Variants in SYCP2 observed in about 807,000 individuals in gnomAD.
The protein encoded by SYCP2 is synaptonemal complex protein 2, also known as synaptonemal complex lateral element protein.
A neutral mutation model predicts 211.3 loss-of-function variants in SYCP2; 55 were observed. That is an observed-to-expected ratio of 0.26 (90% CI 0.21 to 0.33). The LOEUF (loss-of-function observed/expected upper bound fraction) is 0.33. SYCP2 is among the 10% of genes least tolerant of loss of function. The pLI, the probability that SYCP2 is intolerant of heterozygous loss-of-function variation, is 1.00. For missense variants in SYCP2, 1,731 were observed against 1,752.0 expected (o/e 0.99, Z 0.21); for synonymous variants, 570 against 555.2 (o/e 1.03, Z -0.37).
chr20:59,876,505 A>G (rs2059564040), intron 33 of SYCP2, among the ~76,000 whole-genome samples: 1 of 147,672 alleles, frequency 6.8e-6, no homozygotes, highest in African/African-American at 2.5e-5. Context: ...ATGGAAGTTT[A>G]TGATGTCAAA....
intron 36 of SYCP2, among the ~76,000 whole-genome samples, chr20:59,869,471 C>G (rs1208100581): frequency 6.6e-6 from 1 of 151,646 alleles, no homozygotes; most frequent in Non-Finnish European, 1.5e-5. Flanking sequence ...GATGGATGGG[C>G]TTTTATGCTG....
intron 2 of SYCP2, among the ~76,000 whole-genome samples, chr20:59,924,257 C>T (rs1371160208): frequency 6.6e-6 from 1 of 151,980 alleles, no homozygotes; most frequent in East Asian, 1.9e-4. Context: ...GGCCTCTTTG[C>T]CTTATCTTAG....
At chr20:59,914,943 A>G (rs2060408083) in intron 10 of SYCP2, among the ~76,000 whole-genome samples, 1 of 152,030 alleles carries the variant, frequency 6.6e-6, no homozygotes, top group African/African-American at 2.4e-5. Flanking sequence ...TATTATTCAT[A>G]AGTCTACCAT....
intron 32 of SYCP2, 22 bp from the exon 33 acceptor site, chr20:59,877,577 A>T: frequency 6.4e-7 from 1 of 1,563,996 alleles, no homozygotes; most frequent in Non-Finnish European, 8.6e-7. Flanking sequence ...AAATTCCTGA[A>T]TATTAGATCA....
In SYCP2 at chr20:59,926,254, A is replaced by G. The variant is rs545364392; in HGVS notation, c.-46-3795T>C. 7.6e-4 allele frequency among the ~76,000 whole-genome samples: 116 copies of G among 152,200 alleles called. 1 individual carries two copies. In the Middle Eastern group the frequency reaches 0.027, roughly 36 times the overall value. On this transcript the variant is annotated intron_variant, in intron 2 of 44. Coordinates refer to ENST00000357552, the MANE Select transcript of SYCP2 (RefSeq NM_014258.4). ...ATTAATTTCCTAGGGTTGCCTTAAC[A>G]AAGTGCCACAAACTGGATGGCTTAG...
At chr20:59,891,968 T>C in intron 24 of SYCP2, 22 bp downstream of exon 24, 1 of 1,552,566 alleles carries the variant, frequency 6.4e-7, no homozygotes, top group Non-Finnish European at 8.7e-7. Flanking sequence ...TATGCAGAAA[T>C]CAAAACACAT....
chr20:59,881,999 A>G lies in SYCP2; in HGVS notation c.2604T>C (p.Asn868=). ...FVNVTSECPV[N]DVYNFNLNGA... ...CATTCAAATTAAAATTGTAAACATCATTCCTGTGAAAATGAAGAGCAATAT... is the reference window on the plus strand; with the variant it reads ...CATTCAAATTAAAATTGTAAACATCGTTCCTGTGAAAATGAAGAGCAATAT... Residue 868 remains asparagine (N), a synonymous_variant, in exon 28 of 45, where the codon AAT becomes AAC. Transcript: ENST00000357552. The G allele has an allele frequency of 6.2e-7, 1 of 1,612,924 alleles. No individual in the cohort carries two copies. The highest frequency in any genetic ancestry group is 1.1e-5 in the South Asian group (1 of 90,976).
intron 35 of SYCP2, 123 bp from the exon 36 acceptor site, chr20:59,870,106 A>C (rs1170192131): frequency 1.7e-6 from 1 of 591,588 alleles, no homozygotes; most frequent in African/African-American, 1.9e-5. Context: ...AATTCACTGC[A>C]AAAATTCAAT....
intron 39 of SYCP2, among the ~76,000 whole-genome samples, chr20:59,867,040 CAG>C (rs1197506815): frequency 5.5e-3 from 369 of 67,354 alleles, no homozygotes; most frequent in Middle Eastern, 0.015. Context: ...AAAAAAGAAA[CAG>C]AAAAAACAAG....
chr20:59,889,817 A>G (rs1432952401), intron 24 of SYCP2, among the ~76,000 whole-genome samples: 1 of 152,064 alleles, frequency 6.6e-6, no homozygotes, highest in Non-Finnish European at 1.5e-5. Flanking sequence ...TCCAATAAGT[A>G]GAAAGACAGT....
chr20:59,904,981 C>G (rs1327377496), intron 15 of SYCP2, among the ~76,000 whole-genome samples: 1 of 152,108 alleles, frequency 6.6e-6, no homozygotes, highest in African/African-American at 2.4e-5. Context: ...AAAAAATAAT[C>G]CCCTTCACCC....
intron 18 of SYCP2, among the ~76,000 whole-genome samples, chr20:59,898,372 T>C (rs2060051199): frequency 1.3e-5 from 2 of 152,216 alleles, no homozygotes; most frequent in African/African-American, 2.4e-5. Flanking sequence ...ATATACATCA[T>C]GGAATACTAT....
intron 39 of SYCP2, 37 bp downstream of exon 39, chr20:59,867,671 ATAT>A (rs751419478): frequency 5.9e-6 from 9 of 1,537,954 alleles, no homozygotes; most frequent in Non-Finnish European, 8.0e-6. Context: ...GCATATTATT[ATAT>A]TATTGGGTAT....
chr20:59,900,962 T>A, intron 16 of SYCP2, 144 bp from the exon 17 acceptor site: 1 of 645,914 alleles, frequency 1.5e-6, no homozygotes, highest in South Asian at 1.9e-5. Flanking sequence ...TTTGCATATA[T>A]GAATACCTTC....
intron 31 of SYCP2, 41 bp downstream of exon 31, chr20:59,880,262 C>T: frequency 6.7e-7 from 1 of 1,493,488 alleles, no homozygotes; most frequent in Non-Finnish European, 9.1e-7. Flanking sequence ...AAATAAACTG[C>T]AAAATCATTT....
chr20:59,917,834 T>C (rs560092192), intron 7 of SYCP2, among the ~76,000 whole-genome samples: 24 of 152,320 alleles, frequency 1.6e-4, no homozygotes, highest in Admixed American at 2.0e-4. Context: ...CAATTTACTA[T>C]TGAAAATTTG....
chr20:59,901,156 A>G (rs1000963632), intron 16 of SYCP2, among the ~76,000 whole-genome samples: 8 of 152,180 alleles, frequency 5.3e-5, no homozygotes, highest in Admixed American at 3.3e-4. Context: ...CAGTTAAACA[A>G]TATTTGGCTC....
chr20:59,909,833 T>C (rs2060282250), intron 14 of SYCP2, among the ~76,000 whole-genome samples: 1 of 152,154 alleles, frequency 6.6e-6, no homozygotes, highest in South Asian at 2.1e-4. Context: ...ATAACTACTA[T>C]AAAGGAAATA....
In SYCP2 at chr20:59,864,958, A is replaced by T. The variant is rs1416404506; in HGVS notation, c.4515+430T>A. The stretch of plus-strand genomic sequence containing the variant: ...AGCTGCTGGTCTACTAGGCCACTGG[A>T]AAGTAAACTAATTTAATCCTCAAAT... On this transcript the variant is annotated intron_variant, in intron 44 of 44. Transcript: ENST00000357552. Among the ~76,000 whole-genome samples the T allele has an allele frequency of 2.0e-5, 3 of 152,042 alleles. No individual in the cohort carries two copies. The East Asian group carries it at 5.8e-4, about 29-fold the overall frequency.
Sources: gnomAD v4.1 joint callset for allele counts (sites outside exome capture counted in the v4.1 genomes callset) on GRCh38, gnomAD v4.1.1 for gene constraint, MANE v1.5 for transcripts, NCBI Gene and HGNC (gene_info 2026-07-23, HGNC 2026-07-21) for gene names.